The following GNB1 variants were observed in gnomAD, a reference collection of about 807,000 sequenced individuals.
GNB1 encodes the protein G protein subunit beta 1, also known as guanine nucleotide-binding protein G(I)/G(S)/G(T) subunit beta-1.
A neutral mutation model predicts 42.9 loss-of-function variants in GNB1; 2 were observed. The observed-to-expected ratio is 0.05, with a 90% CI of 0.02 to 0.15. GNB1 has a LOEUF of 0.15. Ranked by LOEUF, GNB1 falls within the 10% of genes least tolerant of loss-of-function variation. The pLI is 1.00. For synonymous variants in GNB1, 183 were observed against 174.7 expected (o/e 1.05, Z -0.38); for missense variants, 193 against 462.2 (o/e 0.42, Z 5.34).
At chr1:1,865,860 A>T (rs749911424) in intron 1 of GNB1, among the ~76,000 whole-genome samples, 1 of 152,092 alleles carries the variant, frequency 6.6e-6, no homozygotes, top group South Asian at 2.1e-4. Flanking sequence ...ACTTTGGCGA[A>T]TTTTCCAAAA....
intron 1 of GNB1, among the ~76,000 whole-genome samples, chr1:1,884,916 A>C (rs184814240): frequency 4.0e-5 from 6 of 150,122 alleles, no homozygotes; most frequent in Non-Finnish European, 8.9e-5. Context: ...ATCTCCTGAC[A>C]TCGTGATCTG....
chr1:1,824,070 G>A (rs545241805), intron 3 of GNB1, among the ~76,000 whole-genome samples: 3 of 152,172 alleles, frequency 2.0e-5, no homozygotes, highest in African/African-American at 7.2e-5. Flanking sequence ...CCTGTACAGC[G>A]ACACTCTGAA....
chr1:1,817,740 A>G, intron 4 of GNB1, 97 bp downstream of exon 4: 1 of 797,882 alleles, frequency 1.3e-6, no homozygotes, highest in East Asian at 2.5e-5. Context: ...ACTGCGCAAC[A>G]GAGAATGCAA....
chr1:1,812,627 C>G (rs989791398), intron 5 of GNB1, among the ~76,000 whole-genome samples: 2 of 152,156 alleles, frequency 1.3e-5, no homozygotes, highest in African/African-American at 4.8e-5. Flanking sequence ...AGAACATGGA[C>G]CAATGTGGCA....
At chr1:1,838,435 CTTTTT>C (rs201038635) in intron 2 of GNB1, among the ~76,000 whole-genome samples, 1 of 149,216 alleles carries the variant, frequency 6.7e-6, no homozygotes, top group Non-Finnish European at 1.5e-5. Context: ...GTTCACCTTA[CTTTTT>C]TTTCTTTTCT....
chr1:1,879,197 G>C (rs922698724), intron 1 of GNB1, among the ~76,000 whole-genome samples: 13 of 152,174 alleles, frequency 8.5e-5, no homozygotes, highest in African/African-American at 3.1e-4. Flanking sequence ...GGTGCCCTGG[G>C]CCTGGCCCAT....
intron 9 of GNB1, among the ~76,000 whole-genome samples, 172 bp from the exon 10 acceptor site, chr1:1,789,441 C>T (rs1646451171): frequency 6.6e-6 from 1 of 151,960 alleles, no homozygotes; most frequent in Admixed American, 6.5e-5. Flanking sequence ...GCCTGTAATC[C>T]CAGCACTTTG....
At chr1:1,889,045 G>A (rs1456178425) in intron 1 of GNB1, among the ~76,000 whole-genome samples, 1 of 152,158 alleles carries the variant, frequency 6.6e-6, no homozygotes, top group Admixed American at 6.5e-5. Flanking sequence ...GACTATGCAT[G>A]TCAATAGCAT....
At chr1:1,842,692 A>G (rs1647294071) in intron 1 of GNB1, among the ~76,000 whole-genome samples, 1 of 152,232 alleles carries the variant, frequency 6.6e-6, no homozygotes, top group African/African-American at 2.4e-5. Flanking sequence ...GAGGTGATGA[A>G]AATGTCATGG....
Position 1,790,288 on chromosome 1 carries a change from AG to A in GNB1, c.699+106del. ...CCCCATCTGTACATGAGGTTGTATA[AG>A]GATCAGAAAGGAGAACATCTAATCC... On this transcript the variant is annotated intron_variant, in intron 9 of 11. Coordinates refer to ENST00000378609, the MANE Select transcript of GNB1 (RefSeq NM_002074.5). This position sits in a 1 kb window ranked among gnomAD's most constrained non-coding sequence, Gnocchi z 5.4. 1.3e-6 allele frequency: 1 copy of A among 747,910 alleles called. No individual in the cohort carries two copies. The highest frequency in any genetic ancestry group is 2.3e-6 in the Non-Finnish European group (1 of 429,738). The allele number at this position is 747,910 out of a possible 1,614,324, so 46.3% of individuals were successfully genotyped here. A position where few individuals can be genotyped will look rare whatever the true frequency, so the allele number is the denominator to read the frequency against.
intron 1 of GNB1, among the ~76,000 whole-genome samples, chr1:1,882,235 G>A (rs765290046): frequency 6.6e-6 from 1 of 151,814 alleles, no homozygotes; most frequent in Non-Finnish European, 1.5e-5. Context: ...AGAGCGGCAT[G>A]GGCAACAAGG....
chr1:1,799,516 C>T (rs1485841447), intron 7 of GNB1, among the ~76,000 whole-genome samples: 4 of 152,158 alleles, frequency 2.6e-5, no homozygotes, highest in East Asian at 1.9e-4. Flanking sequence ...AAGGGTGCTG[C>T]GTCAGACAGA....
At chr1:1,854,094 T>C (rs535398567) in intron 1 of GNB1, among the ~76,000 whole-genome samples, 51 of 152,318 alleles carry the variant, frequency 3.3e-4, no homozygotes, top group African/African-American at 1.2e-3. Context: ...TAGAACTTGC[T>C]TGTTGGTCGA....
intron 5 of GNB1, 72 bp downstream of exon 5, chr1:1,815,684 G>T: frequency 1.2e-6 from 1 of 821,330 alleles, no homozygotes; most frequent in Non-Finnish European, 2.1e-6. Context: ...ATGGGTTCAG[G>T]TACTTTTCCC....
intron 1 of GNB1, among the ~76,000 whole-genome samples, chr1:1,861,939 G>A (rs1160478211): frequency 3.9e-5 from 6 of 152,110 alleles, no homozygotes; most frequent in Non-Finnish European, 7.3e-5. Flanking sequence ...AGTGGCTCAC[G>A]CCTGTAATCC....
chr1:1,889,657 C>CA (rs1553209340), intron 1 of GNB1, among the ~76,000 whole-genome samples: 2 of 118,654 alleles, frequency 1.7e-5, no homozygotes, highest in Non-Finnish European at 3.4e-5. Context: ...GATCCCATCT[C>CA]TTAAAAAAAA....
At chr1:1,867,051 GA>G (rs1477151201) in intron 1 of GNB1, among the ~76,000 whole-genome samples, 1 of 152,212 alleles carries the variant, frequency 6.6e-6, no homozygotes, top group African/African-American at 2.4e-5. Flanking sequence ...CAGGTCGCCT[GA>G]GGTCAGGAGT....
intron 7 of GNB1, among the ~76,000 whole-genome samples, chr1:1,797,222 G>A (rs533803510): frequency 6.6e-6 from 1 of 152,262 alleles, no homozygotes; most frequent in Non-Finnish European, 1.5e-5. Context: ...ATAAATTGTG[G>A]GAAACTGTGA....
At chr1:1,886,293 G>C (rs1314547971) in intron 1 of GNB1, among the ~76,000 whole-genome samples, 1 of 152,176 alleles carries the variant, frequency 6.6e-6, no homozygotes, top group Non-Finnish European at 1.5e-5. Flanking sequence ...ACTCCAGACT[G>C]GGTGGCTGAG....
Sources: gnomAD v4.1 joint callset for allele counts (sites outside exome capture counted in the v4.1 genomes callset) on GRCh38, gnomAD v4.1.1 for gene constraint, Gnocchi (gnomAD v3.1) non-coding constraint, MANE v1.5 for transcripts, NCBI Gene and HGNC (gene_info 2026-07-23, HGNC 2026-07-21) for gene names.